The following FYB2 variants were observed in gnomAD, a reference collection of about 807,000 sequenced individuals.
FYB2 encodes FYN binding protein 2, also known as FYN-binding protein 2.
FYB2 carries 103 observed loss-of-function variants against 94.1 expected under a neutral mutation model. The ratio of observed to expected loss-of-function variants is 1.09; its 90% CI spans 0.93 to 1.29. The LOEUF (loss-of-function observed/expected upper bound fraction) is 1.29, where lower values mean the gene tolerates loss of function less well. FYB2 is among the 50% of genes most tolerant of loss of function. The probability of loss-of-function intolerance (pLI) is 0.00; values close to 1 mark genes in which losing one functional copy is unlikely to be tolerated. For synonymous variants in FYB2, 293 were observed against 287.9 expected (o/e 1.02, Z -0.18); for missense variants, 896 against 841.5 (o/e 1.06, Z -0.80).
chr1:56,746,670 G>A (rs550766063), intron 9 of FYB2, among the ~76,000 whole-genome samples: 27 of 152,000 alleles, frequency 1.8e-4, no homozygotes, highest in Admixed American at 7.9e-4. Context: ...TGTGTGAATA[G>A]GTTACCATTT....
intron 15 of FYB2, among the ~76,000 whole-genome samples, chr1:56,726,950 GTT>G (rs5774301): frequency 1.6e-5 from 2 of 128,216 alleles, no homozygotes; most frequent in East Asian, 2.2e-4. Context: ...GTTTTGTTTT[GTT>G]TTTTTTTTTG....
intron 5 of FYB2, among the ~76,000 whole-genome samples, chr1:56,766,512 C>A (rs1645626835): frequency 6.6e-6 from 1 of 151,946 alleles, no homozygotes; most frequent in South Asian, 2.1e-4. Context: ...CGGCTCATTG[C>A]AAGCTCCGCC....
chr1:56,721,660 C>T (rs1044052325), intron 17 of FYB2, among the ~76,000 whole-genome samples: 1 of 152,044 alleles, frequency 6.6e-6, no homozygotes, highest in African/African-American at 2.4e-5. Context: ...TGCATACTGT[C>T]ATTCCCCATC....
At chr1:56,816,601 T>TC (rs1397359140) in intron 1 of FYB2, among the ~76,000 whole-genome samples, 5 of 151,976 alleles carry the variant, frequency 3.3e-5, no homozygotes, top group Non-Finnish European at 5.9e-5. Flanking sequence ...AGTTTTAAAA[T>TC]CCCCCATATA....
At chr1:56,799,806 C>T (rs908852279) in intron 1 of FYB2, among the ~76,000 whole-genome samples, 5 of 152,268 alleles carry the variant, frequency 3.3e-5, no homozygotes, top group South Asian at 4.1e-4. Flanking sequence ...TCTATGTCAC[C>T]GCTCTCTGCC....
intron 13 of FYB2, 130 bp downstream of exon 13, chr1:56,740,567 A>G: frequency 3.9e-6 from 2 of 513,902 alleles, no homozygotes; most frequent in Non-Finnish European, 6.9e-6. Flanking sequence ...AAAGGGGCAG[A>G]TGATGGCCAG....
chr1:56,741,843 C>A (rs11206910), intron 12 of FYB2, among the ~76,000 whole-genome samples: 20,204 of 152,016 alleles, frequency 0.13, 1,459 homozygotes, highest in East Asian at 0.23. Flanking sequence ...ATATTTACAT[C>A]TCTTTTATTA....
intron 11 of FYB2, among the ~76,000 whole-genome samples, chr1:56,743,295 A>G (rs372830110): frequency 2.1e-4 from 32 of 152,086 alleles, no homozygotes; most frequent in Middle Eastern, 3.4e-3. Flanking sequence ...GCTGGAGAAA[A>G]TGGTATGTAT....
intron 13 of FYB2, 118 bp downstream of exon 13, chr1:56,740,579 C>A: frequency 3.5e-6 from 2 of 565,500 alleles, no homozygotes; most frequent in Non-Finnish European, 3.1e-6. Context: ...GATGGCCAGA[C>A]CCTTGGTTTT....
intron 4 of FYB2, 70 bp downstream of exon 4, chr1:56,787,105 T>A: frequency 6.5e-7 from 1 of 1,537,924 alleles, no homozygotes; most frequent in Non-Finnish European, 9.0e-7. Context: ...GCTAATTGCC[T>A]GCTCTGGAGC....
At chr1:56,751,897 A>G (rs929277360) in intron 8 of FYB2, among the ~76,000 whole-genome samples, 1 of 152,032 alleles carries the variant, frequency 6.6e-6, no homozygotes, top group Non-Finnish European at 1.5e-5. Flanking sequence ...TTGGAAACAG[A>G]GAGGATGAGG....
intron 14 of FYB2, 21 bp from the exon 15 acceptor site, chr1:56,737,168 A>G (rs1055051727): frequency 6.4e-7 from 1 of 1,555,898 alleles, no homozygotes; most frequent in African/African-American, 1.4e-5. Flanking sequence ...GACAGAATCA[A>G]AATAGTCCAT....
chr1:56,803,847 C>T (rs1646576440), intron 1 of FYB2, among the ~76,000 whole-genome samples: 1 of 152,176 alleles, frequency 6.6e-6, no homozygotes, highest in Non-Finnish European at 1.5e-5. Flanking sequence ...ATCTACTGTC[C>T]AAATTTTACT....
chr1:56,758,626 C>T lies in FYB2; in HGVS notation c.1098+90G>A, dbSNP rs572758529. ...ATAGGAGGAAAAATGAAAACAAAGACATTTTTTCCCTCTAAAAGATACTAC... is the reference window on the plus strand; with the variant it reads ...ATAGGAGGAAAAATGAAAACAAAGATATTTTTTCCCTCTAAAAGATACTAC... On this transcript the variant is annotated intron_variant, in intron 6 of 19. Coordinates refer to ENST00000343433, the MANE Select transcript of FYB2 (RefSeq NM_001004303.5). The T allele has an allele frequency of 1.5e-3, 1,486 of 1,017,672 alleles. 29 individuals are homozygous for T. In the South Asian group the frequency reaches 0.025, roughly 17 times the overall value. The allele number at this position is 1,017,672 out of a possible 1,614,324, so 63.0% of individuals were successfully genotyped here. A position where few individuals can be genotyped will look rare whatever the true frequency, so the allele number is the denominator to read the frequency against.
At chr1:56,776,186 C>T (rs999611539) in intron 4 of FYB2, among the ~76,000 whole-genome samples, 3 of 152,102 alleles carry the variant, frequency 2.0e-5, no homozygotes, top group Non-Finnish European at 2.9e-5. Context: ...TGGTGAAGGT[C>T]AAGGAGCCTG....
chr1:56,742,222 C>A lies in FYB2; in HGVS notation c.1544-1G>T. On this transcript the variant is annotated splice_acceptor_variant, in intron 11 of 19. Coordinates refer to ENST00000343433, the MANE Select transcript of FYB2 (RefSeq NM_001004303.5). LOFTEE classifies it high-confidence loss of function. ...TCTTCATACAGTTCTCTATTTTCTT[C>A]TGAAATTAGAAGAAAACCCTACTTA... 2 of 1,586,056 alleles carry A rather than the reference C, an allele frequency of 1.3e-6. No individual in the cohort carries two copies. The highest frequency in any genetic ancestry group is 2.2e-5 in the East Asian group (1 of 44,510).
At chr1:56,719,893 G>T in intron 19 of FYB2, 129 bp downstream of exon 19, 1 of 1,038,236 alleles carries the variant, frequency 9.6e-7, no homozygotes, top group South Asian at 1.9e-5. Flanking sequence ...TTATAGAATA[G>T]GGCACTGCAT....
intron 17 of FYB2, among the ~76,000 whole-genome samples, chr1:56,722,139 TTCAATTAA>T (rs1489895817): frequency 1.3e-5 from 2 of 152,082 alleles, no homozygotes; most frequent in Non-Finnish European, 2.9e-5. Context: ...ACTGTTGTTT[TTCAATTAA>T]TCAAGTAACA....
chr1:56,740,810 A>G lies in FYB2; in HGVS notation c.1605-15T>C, dbSNP rs754649404. 3.9e-6 allele frequency: 6 copies of G among 1,529,394 alleles called. No individual in the cohort carries two copies. The East Asian group carries it at 1.4e-4, about 35-fold the overall frequency. 94.7% of individuals were successfully genotyped at this position (1,529,394 alleles called of 1,614,324 possible). On this transcript the variant is annotated splice_polypyrimidine_tract_variant and intron_variant, in intron 12 of 19. Coordinates refer to ENST00000343433, the MANE Select transcript of FYB2 (RefSeq NM_001004303.5). ...TTCCATCTAAACTGAGAGGAATCAC[A>G]GGATATAAGTAACATGGCATTTAAG...
Sources: allele counts gnomAD v4.1 joint callset (sites outside exome capture counted in the v4.1 genomes callset), GRCh38; gene constraint gnomAD v4.1.1; transcripts MANE v1.5; gene names NCBI Gene and HGNC (gene_info 2026-07-23, HGNC 2026-07-21).